Variants in AKT3 observed in about 807,000 individuals in gnomAD.
AKT3 encodes the protein AKT serine/threonine kinase 3, also known as RAC-gamma serine/threonine-protein kinase.
Under a neutral mutation model 65.3 loss-of-function variants are expected in AKT3, and 15 were observed. That is an observed-to-expected ratio of 0.23 (90% CI 0.15 to 0.35). AKT3 has a LOEUF of 0.35. Ranked by LOEUF, AKT3 falls within the 10% of genes least tolerant of loss-of-function variation. The pLI, the probability that AKT3 is intolerant of heterozygous loss-of-function variation, is 1.00. For synonymous variants in AKT3, 206 were observed against 183.8 expected, an observed-to-expected ratio of 1.12 and a Z score of -0.98; for missense variants, 243 against 576.5, an observed-to-expected ratio of 0.42 and a Z score of 5.92.
Position 243,489,041 on chromosome 1 carries a change from G to A in AKT3, c.*7-591C>T, listed in dbSNP as rs1665723637. On this transcript the variant is annotated intron_variant, in intron 13 of 13. Transcript: ENST00000336199. ...TAAGGCAGCTGGATAAGCACAGCCA[G>A]GCCACAGCCCAGCAGCTGGTGCAGC... 6.2e-7 allele frequency: 1 copy of A among 1,613,462 alleles called. No individual in the cohort carries two copies. The highest frequency in any genetic ancestry group is 8.5e-7 in the Non-Finnish European group (1 of 1,180,034).
At chr1:243,636,718 A>T (rs567537496) in intron 6 of AKT3, among the ~76,000 whole-genome samples, 4 of 152,236 alleles carry the variant, frequency 2.6e-5, no homozygotes, top group African/African-American at 9.6e-5. Context: ...CTAAGAGACC[A>T]GTACTTCCCC....
At chr1:243,705,951 T>C (rs1159466586) in intron 2 of AKT3, among the ~76,000 whole-genome samples, 1 of 152,208 alleles carries the variant, frequency 6.6e-6, no homozygotes, top group Admixed American at 6.5e-5. Flanking sequence ...AAAGTAGTCA[T>C]AGAATTTTAA....
At chr1:243,542,903 G>A (rs1404927664) in intron 12 of AKT3, among the ~76,000 whole-genome samples, 1 of 152,062 alleles carries the variant, frequency 6.6e-6, no homozygotes, top group Non-Finnish European at 1.5e-5. Flanking sequence ...CCAGAGCCTC[G>A]CGGGTCACAC....
chr1:243,634,617 A>G (rs1452179808), intron 6 of AKT3, among the ~76,000 whole-genome samples: 1 of 151,978 alleles, frequency 6.6e-6, no homozygotes. Context: ...CTGCAGCTAA[A>G]GGGGGTACTG....
At chr1:243,801,341 G>A (rs990303852) in intron 2 of AKT3, among the ~76,000 whole-genome samples, 3 of 152,104 alleles carry the variant, frequency 2.0e-5, no homozygotes, top group African/African-American at 7.2e-5. Context: ...AAATTTTCTT[G>A]TTCACTACTT....
chr1:243,650,810 G>A (rs894019968), intron 4 of AKT3, among the ~76,000 whole-genome samples: 3 of 152,152 alleles, frequency 2.0e-5, no homozygotes, highest in Non-Finnish European at 4.4e-5. Context: ...CTGTAGCCTT[G>A]TAGTATAGTT....
intron 8 of AKT3, among the ~76,000 whole-genome samples, chr1:243,612,217 T>G (rs779298344): frequency 1.2e-4 from 18 of 151,962 alleles, no homozygotes; most frequent in Non-Finnish European, 1.0e-4. Context: ...CAAGTGATCC[T>G]CCCGCCTCAG....
chr1:243,595,895 TAAAG>T (rs1676576048), intron 8 of AKT3, among the ~76,000 whole-genome samples: 1 of 152,102 alleles, frequency 6.6e-6, no homozygotes, highest in South Asian at 2.1e-4. Flanking sequence ...ATATATAAAA[TAAAG>T]AAGTAACACA....
chr1:243,672,506 A>T (rs1374557807), intron 3 of AKT3, among the ~76,000 whole-genome samples: 1 of 152,218 alleles, frequency 6.6e-6, no homozygotes, highest in Non-Finnish European at 1.5e-5. Context: ...CTTACATTTG[A>T]TTCCATAATA....
intron 13 of AKT3, chr1:243,488,551 C>T (rs114525447): frequency 1.7e-3 from 367 of 214,254 alleles, no homozygotes; most frequent in Non-Finnish European, 2.9e-3. Context: ...GACATCTGGT[C>T]AGCGATGCCG....
rs1176965795 is a variant in AKT3, at chr1:243,513,590, AAGC to A, written c.1252-1167_1252-1165del. The stretch of plus-strand genomic sequence containing the variant: ...AGAATCGTGGGATGAGCAGAATTAA[AAGC>A]AGGTTTTCAAAATAAGGGACATTTC... On this transcript the variant is annotated intron_variant, in intron 12 of 13. Transcript: ENST00000673466. 4.6e-5 allele frequency among the ~76,000 whole-genome samples: 7 copies of A among 152,322 alleles called. No homozygotes were observed. In the East Asian group the frequency reaches 1.3e-3, roughly 29 times the overall value.
intron 2 of AKT3, among the ~76,000 whole-genome samples, chr1:243,716,061 T>C (rs191267192): frequency 2.0e-4 from 31 of 152,236 alleles, no homozygotes; most frequent in African/African-American, 6.3e-4. Flanking sequence ...GCAGAAAAAT[T>C]TGTCTGTAAG....
At chr1:243,757,080 G>C (rs2881274) in intron 2 of AKT3, among the ~76,000 whole-genome samples, 119,375 of 152,120 alleles carry the variant, frequency 0.78, 47,715 homozygotes, top group Non-Finnish European at 0.86. Context: ...CATGAAGAGA[G>C]TAAAGAGCCC....
At chr1:243,565,439 G>A (rs1332254933) in intron 9 of AKT3, among the ~76,000 whole-genome samples, 2 of 151,982 alleles carry the variant, frequency 1.3e-5, no homozygotes, top group Non-Finnish European at 2.9e-5. Context: ...TGCCCAAGTT[G>A]GTCTTGACCT....
At chr1:243,531,140 G>C (rs1371739730) in intron 12 of AKT3, among the ~76,000 whole-genome samples, 1 of 151,980 alleles carries the variant, frequency 6.6e-6, no homozygotes, top group Non-Finnish European at 1.5e-5. Context: ...CCCAAGCTTG[G>C]AGAGCAGTAG....
intron 2 of AKT3, among the ~76,000 whole-genome samples, chr1:243,714,944 T>G (rs958898745): frequency 2.0e-5 from 3 of 152,116 alleles, no homozygotes; most frequent in African/African-American, 7.2e-5. Flanking sequence ...ATAAACTATG[T>G]TCTAAAACTG....
At position 243,700,506 on chromosome 1, in the gene AKT3, A is replaced by ATTT. The variant is rs67611152; in HGVS notation, c.47-4793_47-4791dup. Among the ~76,000 whole-genome samples, 14 of 139,932 alleles carry ATTT rather than the reference A, an allele frequency of 1.0e-4. 1 individual carries two copies. Among genetic ancestry groups the ATTT allele is most frequent in the Admixed American group, 4.3e-4 (6 of 13,856 alleles). 91.8% of individuals were successfully genotyped at this position (139,932 alleles called of 152,430 possible). On this transcript the variant is annotated intron_variant, in intron 2 of 13. Transcript: ENST00000673466. ...TTATTTTGGACCTCAGGCTTAGTCT[A>ATTT]TTTTTTTTTTTTTTTTGAGACACAG... is the stretch of plus-strand genomic sequence containing the variant.
Position 243,552,722 on chromosome 1 carries a change from G to C in AKT3, c.1163+7C>G, listed in dbSNP as rs1263368810. ...CAGTAATTCACTAAGCGTTATTTGA[G>C]GCTTACCGTTTATTTGGATCCTTTA... On this transcript the variant is annotated splice_region_variant and intron_variant, in intron 11 of 13. Coordinates refer to ENST00000673466, the MANE Select transcript of AKT3 (RefSeq NM_005465.7). 1 of 1,610,494 alleles carries C rather than the reference G, an allele frequency of 6.2e-7. No homozygotes were observed.
chr1:243,646,237 T>G lies in AKT3; in HGVS notation c.285-200A>C, dbSNP rs138322250. 1.5e-3 allele frequency among the ~76,000 whole-genome samples: 228 copies of G among 152,186 alleles called. 1 individual carries two copies. The highest frequency in any genetic ancestry group is 5.3e-3 in the African/African-American group (221 of 41,536). The stretch of plus-strand genomic sequence containing the variant: ...TTTCATTCACCACATGCCTAAAGTC[T>G]GTAGTAGCATTTTTTGGAAGTATGT... On this transcript the variant is annotated intron_variant, in intron 4 of 13. Transcript: ENST00000673466.
Sources: allele counts gnomAD v4.1 joint callset (sites outside exome capture counted in the v4.1 genomes callset), GRCh38; gene constraint gnomAD v4.1.1; transcripts MANE v1.5; gene names NCBI Gene and HGNC (gene_info 2026-07-23, HGNC 2026-07-21).